The following CPSF2 variants were observed in gnomAD, a reference collection of about 807,000 sequenced individuals.
CPSF2 encodes cleavage and polyadenylation specific factor 2.
Under a neutral mutation model 84.2 loss-of-function variants are expected in CPSF2, and 51 were observed. The ratio of observed to expected loss-of-function variants is 0.61; its 90% CI spans 0.48 to 0.77. CPSF2 has a LOEUF of 0.77. Ranked by LOEUF, CPSF2 falls within the 30% of genes least tolerant of loss-of-function variation. The probability of loss-of-function intolerance (pLI) is 0.00; values close to 1 mark genes in which losing one functional copy is unlikely to be tolerated. For missense variants in CPSF2, 641 were observed against 929.4 expected (o/e 0.69, Z 4.03); for synonymous variants, 286 against 311.9 (o/e 0.92, Z 0.87).
In CPSF2 at chr14:92,157,656, C is replaced by A; in HGVS notation, c.1596-3C>A. On this transcript the variant is annotated splice_polypyrimidine_tract_variant and splice_region_variant and intron_variant, in intron 12 of 15. Transcript: ENST00000298875. The surrounding 1 kb of genome is among the most constrained non-coding windows in gnomAD (Gnocchi z 4.0). ...AATCTTGAATAATCATATCTAATTA[C>A]AGAGCCCGGGTTACCTACATAGACT... The A allele has an allele frequency of 6.2e-7, 1 of 1,607,348 alleles. No homozygotes were observed. The highest frequency in any genetic ancestry group is 1.7e-5 in the Admixed American group (1 of 59,522).
chr14:92,165,852 A>AGCTTTTGTTT lies in CPSF2; in HGVS notation c.*4108_*4109insGCTTTTGTTT, dbSNP rs2069437739. 1 of 53,916 alleles carries AGCTTTTGTTT rather than the reference A, an allele frequency of 1.9e-5. No individual in the cohort carries two copies. The highest frequency in any genetic ancestry group is 9.4e-5 in the African/African-American group (1 of 10,690). 3.3% of individuals were successfully genotyped at this position (53,916 alleles called of 1,614,324 possible). ...TTCAGTTCTTTGTGCTTGGTTTTAT[A>AGCTTTTGTTT]TCTTTTTTTTTTTTTTTTTTTTTTT... On this transcript the variant is annotated 3_prime_UTR_variant, in exon 16 of 16. Coordinates refer to ENST00000298875, the MANE Select transcript of CPSF2 (RefSeq NM_017437.3).
In CPSF2 at chr14:92,155,334, A is replaced by C. The variant is rs757685405; in HGVS notation, c.1442+11A>C. 1 of 1,600,538 alleles carries C rather than the reference A, an allele frequency of 6.2e-7. No individual in the cohort carries two copies. The highest frequency in any genetic ancestry group is 8.6e-7 in the Non-Finnish European group (1 of 1,167,816). ...TGGAGAGATTATCAAGTATGTGAGC[A>C]AAACAAACTTTTCTCTCTTACAAAT... On this transcript the variant is annotated intron_variant, in intron 11 of 15. Transcript: ENST00000298875.
intron 9 of CPSF2, among the ~76,000 whole-genome samples, chr14:92,149,261 T>A (rs1440573222): frequency 4.0e-5 from 6 of 148,702 alleles, no homozygotes; most frequent in African/African-American, 1.2e-4. Flanking sequence ...TACACGTCAT[T>A]AAAAAAAAAA....
At chr14:92,133,132 A>C (rs1462476283) in intron 3 of CPSF2, among the ~76,000 whole-genome samples, 2 of 150,860 alleles carry the variant, frequency 1.3e-5, no homozygotes, top group African/African-American at 4.9e-5. Context: ...TTAAAAATCA[A>C]CTTATGGCCG....
chr14:92,157,673 A>G lies in CPSF2; in HGVS notation c.1610A>G (p.Tyr537Cys). 6.2e-7 allele frequency: 1 copy of G among 1,611,612 alleles called. No individual in the cohort carries two copies. Residue 537 changes from tyrosine (Y) to cysteine (C), a missense_variant, in exon 13 of 16, where the codon TAC becomes TGC. By Grantham distance (194) the Tyr-to-Cys change is radical. Transcript: ENST00000298875. The surrounding 1 kb of genome is among the most constrained non-coding windows in gnomAD (Gnocchi z 4.0). The part of the protein sequence containing the change: ...ESIEIKARVT[Y>C]IDYEGRSDGD... ...TCTAATTACAGAGCCCGGGTTACCT[A>G]CATAGACTATGAAGGACGCTCTGAT...
rs1266007310 is a variant in CPSF2, at chr14:92,167,009, T to C, written c.*5265T>C. 6 of 114,528 alleles carry C rather than the reference T, an allele frequency of 5.2e-5. No individual in the cohort carries two copies. Among genetic ancestry groups the C allele is most frequent in the Admixed American group, 1.8e-4 (2 of 11,408 alleles). 7.1% of individuals were successfully genotyped at this position (114,528 alleles called of 1,614,324 possible). A position where few individuals can be genotyped will look rare whatever the true frequency, so the allele number is the denominator to read the frequency against. ...TTAGATTCTGCTTATCGATTTCTTT[T>C]TTTTCTTTTTTTTTTTTTTTGAGAT... On this transcript the variant is annotated 3_prime_UTR_variant, in exon 16 of 16. Coordinates refer to ENST00000298875, the MANE Select transcript of CPSF2 (RefSeq NM_017437.3).
At chr14:92,134,228 T>G (rs2068970860) in intron 4 of CPSF2, 22 bp from the exon 5 acceptor site, 2 of 1,610,910 alleles carry the variant, frequency 1.2e-6, no homozygotes, top group African/African-American at 1.3e-5. Flanking sequence ...GTTTTTCACC[T>G]TTATTTGTGT....
Position 92,144,086 on chromosome 14 carries a change from C to T in CPSF2, c.1140+792C>T, listed in dbSNP as rs1197082436. On this transcript the variant is annotated intron_variant, in intron 9 of 15. Coordinates refer to ENST00000298875, the MANE Select transcript of CPSF2 (RefSeq NM_017437.3). ...TTGCAGCTTCCTAGCTACTTATCTT[C>T]CATTTGCAGTTTTTGCCTTCAGACC... Among the ~76,000 whole-genome samples the T allele has an allele frequency of 5.9e-5, 9 of 152,296 alleles. No homozygotes were observed. In the South Asian group the frequency reaches 1.9e-3, roughly 32 times the overall value.
intron 3 of CPSF2, among the ~76,000 whole-genome samples, chr14:92,132,538 G>A (rs906267416): frequency 2.0e-5 from 3 of 151,934 alleles, no homozygotes; most frequent in Non-Finnish European, 2.9e-5. Context: ...TTGGGAGGCC[G>A]AGGCGGGCAG....
rs547783957 is a variant in CPSF2, at chr14:92,164,596, A to G, written c.*2852A>G. On this transcript the variant is annotated 3_prime_UTR_variant, in exon 16 of 16. Transcript: ENST00000298875. ...TAGGTATAACGTGGACTATCAACTG[A>G]TATCTGCAAATAATTTGGTTAAAAT... The G allele has an allele frequency of 6.6e-6, 1 of 152,322 alleles. No homozygotes were observed. The highest frequency in any genetic ancestry group is 6.5e-5 in the Admixed American group (1 of 15,306). 9.4% of individuals were successfully genotyped at this position (152,322 alleles called of 1,614,324 possible). A position where few individuals can be genotyped will look rare whatever the true frequency, so the allele number is the denominator to read the frequency against.
rs142712033 is a variant in CPSF2, at chr14:92,156,107, G to A, written c.1443-372G>A. Among the ~76,000 whole-genome samples the A allele has an allele frequency of 4.0e-3, 616 of 152,268 alleles. 4 individuals carry two copies. The highest frequency in any genetic ancestry group is 0.014 in the African/African-American group (575 of 41,550). The stretch of plus-strand genomic sequence containing the variant: ...GTTCAGGACCAGCCTGGCCAAGATG[G>A]TGAAACCACATCTCCACTAAAAATA... On this transcript the variant is annotated intron_variant, in intron 11 of 15. Coordinates refer to ENST00000298875, the MANE Select transcript of CPSF2 (RefSeq NM_017437.3).
Position 92,164,867 on chromosome 14 carries a change from A to G in CPSF2, c.*3123A>G, listed in dbSNP as rs1162951229. On this transcript the variant is annotated 3_prime_UTR_variant, in exon 16 of 16. Coordinates refer to ENST00000298875, the MANE Select transcript of CPSF2 (RefSeq NM_017437.3). ...ACAGAGTTGTACAACTATTACCACTATATAATCCCAGAACACTTTCATCAC... is the reference window on the plus strand; with the variant it reads ...ACAGAGTTGTACAACTATTACCACTGTATAATCCCAGAACACTTTCATCAC... The G allele has an allele frequency of 1.3e-5, 2 of 152,170 alleles. No individual in the cohort carries two copies. Among genetic ancestry groups the G allele is most frequent in the African/African-American group, 4.8e-5 (2 of 41,438 alleles). 9.4% of individuals were successfully genotyped at this position (152,170 alleles called of 1,614,324 possible).
At chr14:92,137,778 G>C (rs1251502890) in intron 6 of CPSF2, among the ~76,000 whole-genome samples, 1 of 152,096 alleles carries the variant, frequency 6.6e-6, no homozygotes, top group Non-Finnish European at 1.5e-5. Context: ...ATACAGTGTA[G>C]ACACAATAAA....
chr14:92,166,312 C>G lies in CPSF2; in HGVS notation c.*4568C>G, dbSNP rs1332247779. On this transcript the variant is annotated 3_prime_UTR_variant, in exon 16 of 16. Transcript: ENST00000298875. The stretch of plus-strand genomic sequence containing the variant: ...ACAGTTTTACAGTTTAGGCTCTTAT[C>G]ATTAGGTCTTTCATTTATTTTGAAT... The G allele has an allele frequency of 6.6e-6, 1 of 151,736 alleles. No individual in the cohort carries two copies. Among genetic ancestry groups the G allele is most frequent in the African/African-American group, 2.4e-5 (1 of 41,284 alleles). The allele number at this position is 151,736 out of a possible 1,614,324, so 9.4% of individuals were successfully genotyped here. A position where few individuals can be genotyped will look rare whatever the true frequency, so the allele number is the denominator to read the frequency against.
In CPSF2 at chr14:92,162,905, C is replaced by G. The variant is rs1055298449; in HGVS notation, c.*1161C>G. On this transcript the variant is annotated 3_prime_UTR_variant, in exon 16 of 16. Coordinates refer to ENST00000298875, the MANE Select transcript of CPSF2 (RefSeq NM_017437.3). Reference sequence around the variant, plus strand: ...ATGTTTATTTCTCAAATGGTTAAGCCCTCTTCTTTACTCTTAATTTTTTTT... The same window carrying G: ...ATGTTTATTTCTCAAATGGTTAAGCGCTCTTCTTTACTCTTAATTTTTTTT... The G allele has an allele frequency of 3.3e-5, 5 of 151,852 alleles. No homozygotes were observed. Among genetic ancestry groups the G allele is most frequent in the Non-Finnish European group, 5.9e-5 (4 of 67,968 alleles). The allele number at this position is 151,852 out of a possible 1,614,324, so 9.4% of individuals were successfully genotyped here.
intron 3 of CPSF2, among the ~76,000 whole-genome samples, chr14:92,133,153 C>T (rs1239171409): frequency 6.6e-6 from 1 of 151,746 alleles, no homozygotes; most frequent in Non-Finnish European, 1.5e-5. Context: ...GGCGTGGTGG[C>T]TCACCCCTGT....
rs2069667785 is a variant in CPSF2 at position 92,171,803 on chromosome 14, T to G, written c.*10059T>G. ...CTACTCCACAGAGTTTATTCTAGTC[T>G]TCTCCCTTTCCACAATTGTATCTTC... On this transcript the variant is annotated 3_prime_UTR_variant, in exon 16 of 16. Transcript: ENST00000298875. 1 of 152,200 alleles carries G rather than the reference T, an allele frequency of 6.6e-6. No individual in the cohort carries two copies. Among genetic ancestry groups the G allele is most frequent in the South Asian group, 2.1e-4 (1 of 4,834 alleles). The allele number at this position is 152,200 out of a possible 1,614,324, so 9.4% of individuals were successfully genotyped here.
rs187711936 is a variant in CPSF2, at chr14:92,152,160, G to A, written c.1141-2198G>A. Among the ~76,000 whole-genome samples the A allele has an allele frequency of 1.7e-4, 25 of 151,200 alleles. No individual in the cohort carries two copies. The East Asian group carries it at 4.5e-3, about 27-fold the overall frequency. The stretch of plus-strand genomic sequence containing the variant: ...TTTTTCATTTTTGAGATGTAGTTTC[G>A]CTCTTGTTGCCCAGGCTGGAGCGCA... On this transcript the variant is annotated intron_variant, in intron 9 of 15. Coordinates refer to ENST00000298875, the MANE Select transcript of CPSF2 (RefSeq NM_017437.3).
chr14:92,155,303 T>C lies in CPSF2; in HGVS notation c.1422T>C (p.Asp474=), dbSNP rs752223270. ...CCCCAGAAGAAAGAATTAAATGGGA[T>C]GAATATGGAGAGATTATCAAGTATG... is the stretch of plus-strand genomic sequence containing the variant. ...FPAPEERIKW[D]EYGEIIKPED... Residue 474 remains aspartate, a synonymous_variant, in exon 11 of 16, where the codon GAT becomes GAC. Transcript: ENST00000298875. 5 of 1,613,954 alleles carry C rather than the reference T, an allele frequency of 3.1e-6. No homozygotes were observed. The highest frequency in any genetic ancestry group is 4.2e-6 in the Non-Finnish European group (5 of 1,179,858).
Sources: allele counts gnomAD v4.1 joint callset (sites outside exome capture counted in the v4.1 genomes callset), GRCh38; gene constraint gnomAD v4.1.1; non-coding constraint Gnocchi (gnomAD v3.1); transcripts MANE v1.5; gene names NCBI Gene and HGNC (gene_info 2026-07-23, HGNC 2026-07-21).